Variants in SBF1 observed in about 807,000 individuals in gnomAD.
The protein encoded by SBF1 is SET binding factor 1.
SBF1 carries 65 observed loss-of-function variants against 215.8 expected under a neutral mutation model. The observed-to-expected ratio is 0.30, with a 90% confidence interval of 0.25 to 0.37. The LOEUF is 0.37. Among genes scored for constraint, SBF1 ranks in the 10% least tolerant of loss-of-function variants. The probability of loss-of-function intolerance (pLI) is 1.00; values close to 1 mark genes in which losing one functional copy is unlikely to be tolerated. For synonymous variants in SBF1, 1,410 were observed against 1,122.8 expected (o/e 1.26, Z -5.11); for missense variants, 2,634 against 2,667.8 (o/e 0.99, Z 0.28).
intron 28 of SBF1, among the ~76,000 whole-genome samples, chr22:50,458,722 T>C (rs2067367270): frequency 1.3e-5 from 2 of 151,922 alleles, no homozygotes; most frequent in African/African-American, 2.4e-5. Context: ...TGCGTGGCGG[T>C]GGGGACAGAG....
intron 31 of SBF1, 126 bp downstream of exon 31, chr22:50,456,090 G>A (rs1197119913): frequency 7.7e-6 from 8 of 1,033,956 alleles, no homozygotes; most frequent in South Asian, 5.1e-5. Flanking sequence ...GGTGGGAAGT[G>A]GCTGTCACCT....
chr22:50,462,363 C>T lies in SBF1; in HGVS notation c.2238G>A (p.Val746=), dbSNP rs556550447. ...TGAACACCGTGCTCTCCTCCTTCTG[C>T]ACCAGCTCCTGCTGCTTCTCACGAC... ...TLSREKQQEL[V]QKEESTVFSQ... The change falls in exon 19 of 41, where the codon GTG becomes GTA. Residue 746 remains valine (V), a synonymous_variant. Transcript: ENST00000380817. 6.2e-7 allele frequency: 1 copy of T among 1,614,156 alleles called. No individual in the cohort carries two copies. Among genetic ancestry groups the T allele is most frequent in the East Asian group, 2.2e-5 (1 of 44,890 alleles).
chr22:50,448,095 C>G, intron 38 of SBF1, 138 bp downstream of exon 38: 1 of 784,876 alleles, frequency 1.3e-6, no homozygotes, highest in Non-Finnish European at 2.1e-6. Context: ...CAGTTCGACA[C>G]CCCAAACCCC....
Position 50,463,336 on chromosome 22 carries a change from G to C in SBF1, c.1846C>G (p.Leu616Val). ...HLHVQQNRAV[L>V]DHQQFDFVVR... Reference sequence around the variant, plus strand: ...ACAAAGTCAAACTGCTGGTGGTCCAGGACCGCACGGTTCTGCTGCACATGC... The same window carrying C: ...ACAAAGTCAAACTGCTGGTGGTCCACGACCGCACGGTTCTGCTGCACATGC... Residue 616 changes from leucine to valine, a missense_variant, in exon 16 of 41, where the codon CTG (leucine) becomes GTG (valine). Transcript: ENST00000380817. 1 of 1,612,532 alleles carries C rather than the reference G, an allele frequency of 6.2e-7. No homozygotes were observed. The highest frequency in any genetic ancestry group is 8.5e-7 in the Non-Finnish European group (1 of 1,179,398).
At position 50,464,769 on chromosome 22, in the gene SBF1, G is replaced by A. The variant is rs942647981; in HGVS notation, c.1432-31C>T. On this transcript the variant is annotated intron_variant, in intron 13 of 40. Transcript: ENST00000380817. ...GGGAGACGGCAGGTGTGGGGCAGGG[G>A]CCCAGGGATCAAGGCGGTACGACGC... 4.3e-6 allele frequency: 7 copies of A among 1,609,972 alleles called. No homozygotes were observed. The Admixed American group carries it at 1.0e-4, about 23-fold the overall frequency.
rs1178041003 is a variant in SBF1, at chr22:50,460,536, G to A, written c.3144C>T (p.Leu1048=). The A allele has an allele frequency of 6.2e-7, 1 of 1,613,938 alleles. No homozygotes were observed. Among genetic ancestry groups the A allele is most frequent in the African/African-American group, 1.3e-5 (1 of 74,944 alleles). ...PRVTKDKGPS[L]RTLSRNLVKN... ...CTGCCTGGGACCCAGATCCATACCTGAGGGAAGGACCCTTGTCCTTGGTGA... is the reference window on the plus strand; with the variant it reads ...CTGCCTGGGACCCAGATCCATACCTAAGGGAAGGACCCTTGTCCTTGGTGA... Residue 1048 remains leucine (L), a splice_region_variant and synonymous_variant, in exon 24 of 41, where the codon CTC becomes CTT. Coordinates refer to ENST00000380817, the MANE Select transcript of SBF1 (RefSeq NM_002972.4).
intron 28 of SBF1, among the ~76,000 whole-genome samples, chr22:50,458,154 A>C (rs191869995): frequency 6.6e-6 from 1 of 152,174 alleles, no homozygotes; most frequent in African/African-American, 2.4e-5. Flanking sequence ...AATACAAAAA[A>C]ATCAGCCGGG....
intron 1 of SBF1, among the ~76,000 whole-genome samples, chr22:50,471,362 G>A (rs2067989780): frequency 1.3e-5 from 2 of 152,216 alleles, no homozygotes; most frequent in East Asian, 1.9e-4. Flanking sequence ...CACAGACCTC[G>A]CGTTCTGTCA....
At chr22:50,452,313 G>T (rs969698722) in intron 36 of SBF1, among the ~76,000 whole-genome samples, 1 of 152,180 alleles carries the variant, frequency 6.6e-6, no homozygotes, top group Non-Finnish European at 1.5e-5. Flanking sequence ...AGGCTGAAGA[G>T]AAATAATAAC....
At chr22:50,455,181 C>A in intron 33 of SBF1, 39 bp from the exon 34 acceptor site, 1 of 1,613,706 alleles carries the variant, frequency 6.2e-7, no homozygotes, top group South Asian at 1.1e-5. Context: ...GCTCAGCGGT[C>A]AGGGTGCACA....
chr22:50,467,243 A>G (rs2067806434), intron 5 of SBF1, 95 bp downstream of exon 5: 1 of 1,023,000 alleles, frequency 9.8e-7, no homozygotes, highest in Non-Finnish European at 1.5e-6. Context: ...CAAGGCCTCC[A>G]GCTGTGTGTG....
At chr22:50,458,552 G>A (rs904798310) in intron 28 of SBF1, among the ~76,000 whole-genome samples, 8 of 152,180 alleles carry the variant, frequency 5.3e-5, no homozygotes, top group Non-Finnish European at 8.8e-5. Context: ...GCAAGACAGG[G>A]CGATTGTAAA....
Position 50,464,459 on chromosome 22 carries a change from A to T in SBF1, c.1637-18T>A. 1 of 1,608,910 alleles carries T rather than the reference A, an allele frequency of 6.2e-7. No homozygotes were observed. The highest frequency in any genetic ancestry group is 8.5e-7 in the Non-Finnish European group (1 of 1,176,334). On this transcript the variant is annotated intron_variant, in intron 14 of 40. Coordinates refer to ENST00000380817, the MANE Select transcript of SBF1 (RefSeq NM_002972.4). Reference sequence around the variant, plus strand: ...TATGGCAGCTGCGGGGACAGAATACACACACTCGGACCCCTGACCCCACGC... The same window carrying T: ...TATGGCAGCTGCGGGGACAGAATACTCACACTCGGACCCCTGACCCCACGC...
chr22:50,462,199 C>T lies in SBF1; in HGVS notation c.2396+6G>A. 6.2e-7 allele frequency: 1 copy of T among 1,606,676 alleles called. No homozygotes were observed. The highest frequency in any genetic ancestry group is 8.5e-7 in the Non-Finnish European group (1 of 1,179,872). ...CACTGGGCCCAACCCCCAGTCCCTG[C>T]CTCACCTGTTGGTGACCAGGCTGTT... On this transcript the variant is annotated splice_donor_region_variant and intron_variant, in intron 19 of 40. Transcript: ENST00000380817.
At chr22:50,468,543 T>G in intron 1 of SBF1, 82 bp from the exon 2 acceptor site, 2 of 802,772 alleles carry the variant, frequency 2.5e-6, no homozygotes, top group Non-Finnish European at 3.6e-6. Flanking sequence ...GTGGAAACAT[T>G]CCCACCCACT....
chr22:50,448,532 C>T lies in SBF1; in HGVS notation c.5151+11G>A, dbSNP rs1183801769. 1.5e-5 allele frequency: 24 copies of T among 1,611,620 alleles called. No individual in the cohort carries two copies. Among genetic ancestry groups the T allele is most frequent in the Non-Finnish European group, 1.9e-5 (22 of 1,179,108 alleles). On this transcript the variant is annotated intron_variant, in intron 37 of 40. Coordinates refer to ENST00000380817, the MANE Select transcript of SBF1 (RefSeq NM_002972.4). ...CGCCCACCGTGGACGCTCACACTGG[C>T]CCTCACTCACACGGCCGTCTGGCCG...
rs867729757 is a variant in SBF1, at chr22:50,457,072, G to A, written c.3866C>T (p.Pro1289Leu). Residue 1289 changes from proline (P) to leucine (L), a missense_variant, in exon 29 of 41, where the codon CCC (proline) becomes CTC (leucine). Pro to Leu is a moderately conservative substitution (Grantham distance 98, BLOSUM62 -3). Coordinates refer to ENST00000380817, the MANE Select transcript of SBF1 (RefSeq NM_002972.4). Reference sequence around the variant, plus strand: ...CCGTCTGGAGGCCGAGGCCGCCATGGGGTTGGACAGCGTGGTGACCCTGGC... The same window carrying A: ...CCGTCTGGAGGCCGAGGCCGCCATGAGGTTGGACAGCGTGGTGACCCTGGC... ...PRARVTTLSN[P>L]MAASASRRTA... 4.7e-6 allele frequency: 7 copies of A among 1,487,918 alleles called. No individual in the cohort carries two copies. The highest frequency in any genetic ancestry group is 1.5e-5 in the African/African-American group (1 of 68,132). 92.2% of individuals were successfully genotyped at this position (1,487,918 alleles called of 1,614,324 possible). A position where few individuals can be genotyped will look rare whatever the true frequency, so the allele number is the denominator to read the frequency against.
chr22:50,447,892 G>C (rs1300396604), intron 38 of SBF1, among the ~76,000 whole-genome samples: 1 of 152,230 alleles, frequency 6.6e-6, no homozygotes. Context: ...CAGGGTCTTG[G>C]GAAAGCAGCC....
rs372953690 is a variant in SBF1, at chr22:50,456,409, G to C, written c.4087-14C>G. ...TGACCGCACACCCTGAAAAGAATCC[G>C]GACAAGTCCCGTGAGACACATGAGG... On this transcript the variant is annotated splice_polypyrimidine_tract_variant and intron_variant, in intron 30 of 40. Coordinates refer to ENST00000380817, the MANE Select transcript of SBF1 (RefSeq NM_002972.4). The C allele has an allele frequency of 1.2e-6, 2 of 1,610,278 alleles. No individual in the cohort carries two copies. Among genetic ancestry groups the C allele is most frequent in the Non-Finnish European group, 1.7e-6 (2 of 1,179,390 alleles).
Sources: gnomAD v4.1 joint callset for allele counts (sites outside exome capture counted in the v4.1 genomes callset) on GRCh38, gnomAD v4.1.1 for gene constraint, MANE v1.5 for transcripts, NCBI Gene and HGNC (gene_info 2026-07-23, HGNC 2026-07-21) for gene names.